Variants in NAA11 observed in about 807,000 individuals in gnomAD.
NAA11 encodes the protein N-alpha-acetyltransferase 11, NatA catalytic subunit, also known as N-alpha-acetyltransferase 11.
A neutral mutation model predicts 16.1 loss-of-function variants in NAA11; 15 were observed. The ratio of observed to expected loss-of-function variants is 0.93; its 90% CI spans 0.62 to 1.44. The LOEUF is 1.44. NAA11 is among the 40% of genes most tolerant of loss of function. The pLI, the probability that NAA11 is intolerant of heterozygous loss-of-function variation, is 0.00. For missense variants in NAA11, 298 were observed against 291.3 expected (o/e 1.02, Z -0.17); for synonymous variants, 122 against 112.4 (o/e 1.09, Z -0.54).
the NAA11 span, among the ~76,000 whole-genome samples, chr4:79,202,934 A>G: frequency 6.6e-6 from 1 of 151,388 alleles, no homozygotes; most frequent in African/African-American, 2.4e-5. Context: ...GAATGTAGGT[A>G]TGTTGAAAAC....
the NAA11 span, among the ~76,000 whole-genome samples, chr4:79,219,006 CAT>C: frequency 6.6e-6 from 1 of 151,894 alleles, no homozygotes; most frequent in African/African-American, 2.4e-5. Flanking sequence ...TGATATATAA[CAT>C]ATATACACAT....
chr4:79,167,003 A>G, the NAA11 span, among the ~76,000 whole-genome samples: 2 of 146,548 alleles, frequency 1.4e-5, no homozygotes, highest in Admixed American at 6.8e-5. Context: ...TGTCTCTTAT[A>G]GCTAGGGTAC....
intron 1 of NAA11, among the ~76,000 whole-genome samples, chr4:79,303,084 A>ATATATATATATT (rs1650710527): frequency 8.8e-5 from 2 of 22,632 alleles, no homozygotes; most frequent in Non-Finnish European, 2.0e-4. Flanking sequence ...TTTTATATAT[A>ATATATATATATT]TATATATATA....
At chr4:79,157,616 C>T in the NAA11 span, among the ~76,000 whole-genome samples, 1 of 150,958 alleles carries the variant, frequency 6.6e-6, no homozygotes, top group Admixed American at 6.6e-5. Flanking sequence ...CATATATATA[C>T]ACATATGTAT....
At chr4:79,288,855 A>C (rs1723010654) in intron 2 of NAA11, among the ~76,000 whole-genome samples, 1 of 152,214 alleles carries the variant, frequency 6.6e-6, no homozygotes, top group African/African-American at 2.4e-5. Flanking sequence ...ATTTTGGTGT[A>C]TATCCTCTGA....
the NAA11 span, among the ~76,000 whole-genome samples, chr4:79,182,688 G>A: frequency 3.3e-5 from 5 of 152,182 alleles, no homozygotes; most frequent in African/African-American, 1.2e-4. Flanking sequence ...TCATTCTAAT[G>A]GATGCATTTA....
the NAA11 span, among the ~76,000 whole-genome samples, chr4:79,162,022 T>A: frequency 2.6e-5 from 4 of 152,222 alleles, no homozygotes; most frequent in African/African-American, 4.8e-5. Context: ...TATTTTGTAG[T>A]TTTTAGTATG....
the NAA11 span, among the ~76,000 whole-genome samples, chr4:79,196,259 A>C: frequency 6.6e-6 from 1 of 151,962 alleles, no homozygotes; most frequent in South Asian, 2.1e-4. Flanking sequence ...GCAGGGGTGT[A>C]TAAGCTCAGA....
intron 1 of NAA11, among the ~76,000 whole-genome samples, chr4:79,318,171 T>G (rs1369122148): frequency 3.9e-5 from 6 of 152,186 alleles, no homozygotes; most frequent in African/African-American, 1.4e-4. Flanking sequence ...CTCATCCTAC[T>G]CCACTCAAAA....
chr4:79,283,612 C>T (rs542695997), intron 2 of NAA11, among the ~76,000 whole-genome samples: 28 of 126,082 alleles, frequency 2.2e-4, no homozygotes, highest in African/African-American at 6.3e-4. Flanking sequence ...GAACAAATTA[C>T]GCACACCAAC....
chr4:79,239,748 G>A (rs991137221), intron 2 of NAA11, among the ~76,000 whole-genome samples: 8 of 152,136 alleles, frequency 5.3e-5, no homozygotes, highest in African/African-American at 1.2e-4. Flanking sequence ...GACACAAACT[G>A]TGAAGATATT....
intron 2 of NAA11, among the ~76,000 whole-genome samples, chr4:79,276,742 C>T (rs1427955662): frequency 6.6e-6 from 1 of 152,140 alleles, no homozygotes; most frequent in Non-Finnish European, 1.5e-5. Context: ...GAAAAATAAA[C>T]ATCATAAAGC....
At chr4:79,289,771 ACAG>A (rs1405168880) in intron 2 of NAA11, among the ~76,000 whole-genome samples, 4 of 152,298 alleles carry the variant, frequency 2.6e-5, no homozygotes, top group African/African-American at 9.6e-5. Context: ...TAGATTTGCA[ACAG>A]CAACATTTTA....
chr4:79,318,960 C>A (rs957492704), intron 1 of NAA11, among the ~76,000 whole-genome samples: 1 of 151,602 alleles, frequency 6.6e-6, no homozygotes, highest in African/African-American at 2.4e-5. Context: ...CTCTGTCACC[C>A]AGACTGGAGC....
At chr4:79,158,425 A>G in the NAA11 span, among the ~76,000 whole-genome samples, 4 of 152,244 alleles carry the variant, frequency 2.6e-5, no homozygotes, top group South Asian at 8.3e-4. Flanking sequence ...GACCTTTACA[A>G]GGAAAACTAC....
At chr4:79,210,978 A>G in the NAA11 span, among the ~76,000 whole-genome samples, 2 of 152,330 alleles carry the variant, frequency 1.3e-5, no homozygotes, top group South Asian at 2.1e-4. Context: ...GATAGTAGTC[A>G]TTATACACAT....
intron 2 of NAA11, among the ~76,000 whole-genome samples, chr4:79,230,937 CA>C (rs943890091): frequency 6.6e-6 from 1 of 152,018 alleles, no homozygotes; most frequent in Non-Finnish European, 1.5e-5. Flanking sequence ...GCCCCCTGTT[CA>C]ATATTATCAT....
chr4:79,167,270 T>TATATAGAGAG, the NAA11 span, among the ~76,000 whole-genome samples: 12 of 98,484 alleles, frequency 1.2e-4, no homozygotes, highest in Middle Eastern at 5.2e-3. Flanking sequence ...TATATATATA[T>TATATAGAGAG]AGAGAGAGAG....
intron 2 of NAA11, among the ~76,000 whole-genome samples, chr4:79,229,080 T>C (rs916844228): frequency 1.3e-5 from 2 of 152,024 alleles, no homozygotes; most frequent in Admixed American, 6.6e-5. Context: ...AAGTCCAATA[T>C]AGCAACATTT....
Sources: allele counts gnomAD v4.1 joint callset (sites outside exome capture counted in the v4.1 genomes callset), GRCh38; gene constraint gnomAD v4.1.1; transcripts MANE v1.5; gene names NCBI Gene and HGNC (gene_info 2026-07-23, HGNC 2026-07-21).